Variants in CADM1 observed in about 807,000 individuals in gnomAD.
CADM1 encodes cell adhesion molecule 1, also known as TSLC-1.
Under a neutral mutation model 53.1 loss-of-function variants are expected in CADM1, and 15 were observed. The observed-to-expected ratio is 0.28, with a 90% CI of 0.19 to 0.44. The LOEUF (loss-of-function observed/expected upper bound fraction) is 0.44. CADM1 is among the 20% of genes least tolerant of loss of function. The pLI is 1.00. For synonymous variants in CADM1, 281 were observed against 243.0 expected (o/e 1.16, Z -1.45); for missense variants, 434 against 611.3 (o/e 0.71, Z 3.06).
chr11:115,237,977 T>C (rs2134896635), intron 3 of CADM1, among the ~76,000 whole-genome samples: 1 of 152,326 alleles, frequency 6.6e-6, no homozygotes, highest in African/African-American at 2.4e-5. Flanking sequence ...GCAAAGTATA[T>C]GTTCATGGAG....
chr11:115,435,970 AC>A (rs936859868), intron 1 of CADM1, among the ~76,000 whole-genome samples: 1 of 152,112 alleles, frequency 6.6e-6, no homozygotes, highest in African/African-American at 2.4e-5. Flanking sequence ...CATCTAAGAA[AC>A]CTACAAAATC....
At chr11:115,421,129 A>G (rs76095438) in intron 1 of CADM1, among the ~76,000 whole-genome samples, 316 of 152,282 alleles carry the variant, frequency 2.1e-3, no homozygotes, top group African/African-American at 7.1e-3. Flanking sequence ...ACATTATTCA[A>G]TTTGGTGGCA....
intron 2 of CADM1, 21 bp downstream of exon 2, chr11:115,240,253 A>G (rs1350098663): frequency 6.2e-7 from 1 of 1,612,290 alleles, no homozygotes; most frequent in Non-Finnish European, 8.5e-7. Context: ...GCCATCTACA[A>G]CTATAGAGAT....
chr11:115,184,491 T>C (rs1161514732), intron 10 of CADM1, among the ~76,000 whole-genome samples: 1 of 152,354 alleles, frequency 6.6e-6, no homozygotes, highest in Middle Eastern at 3.4e-3. Context: ...CAGAGAGTAG[T>C]AAATGTATAC....
At chr11:115,434,722 C>A (rs1948139607) in intron 1 of CADM1, among the ~76,000 whole-genome samples, 1 of 152,130 alleles carries the variant, frequency 6.6e-6, no homozygotes, top group South Asian at 2.1e-4. Flanking sequence ...CCCCTTGCCA[C>A]TCTTCAGGCC....
chr11:115,364,931 A>C (rs955914743), intron 1 of CADM1, among the ~76,000 whole-genome samples: 20 of 152,248 alleles, frequency 1.3e-4, no homozygotes, highest in African/African-American at 4.6e-4. Flanking sequence ...GATAAAGAGA[A>C]AACAATATTA....
At chr11:115,491,154 G>A (rs1171160068) in intron 1 of CADM1, among the ~76,000 whole-genome samples, 1 of 151,906 alleles carries the variant, frequency 6.6e-6, no homozygotes, top group East Asian at 1.9e-4. Flanking sequence ...TAAGGAGAAG[G>A]GTTAAAAAAA....
chr11:115,433,114 A>G (rs987068628), intron 1 of CADM1, among the ~76,000 whole-genome samples: 3 of 152,144 alleles, frequency 2.0e-5, no homozygotes, highest in Non-Finnish European at 4.4e-5. Flanking sequence ...TGGTGGGGGA[A>G]GACACAGACC....
chr11:115,419,618 T>C (rs563560636), intron 1 of CADM1, among the ~76,000 whole-genome samples: 8 of 152,202 alleles, frequency 5.3e-5, no homozygotes, highest in Non-Finnish European at 1.0e-4. Flanking sequence ...CCCCATCTTG[T>C]CTTTTAAAGT....
intron 1 of CADM1, among the ~76,000 whole-genome samples, chr11:115,393,982 G>GA (rs1212652565): frequency 6.6e-6 from 1 of 152,078 alleles, no homozygotes; most frequent in East Asian, 1.9e-4. Flanking sequence ...ATGGTCAGAA[G>GA]AAAAAACTAC....
chr11:115,366,768 AAT>A (rs1265928223), intron 1 of CADM1, among the ~76,000 whole-genome samples: 1 of 152,182 alleles, frequency 6.6e-6, no homozygotes, highest in African/African-American at 2.4e-5. Flanking sequence ...GGAAACTGGA[AAT>A]ATATGACTTG....
Position 115,497,765 on chromosome 11 carries a change from G to A in CADM1, c.124+6506C>T, listed in dbSNP as rs187219156. ...CGATTTTGCTGGTGCTCCCCAAATC[G>A]TGAATGTAGGCATTCCTTTGTGCTT... On this transcript the variant is annotated intron_variant, in intron 1 of 11. Coordinates refer to ENST00000331581, the MANE Select transcript of CADM1 (RefSeq NM_001301043.2). Among the ~76,000 whole-genome samples the A allele has an allele frequency of 4.3e-4, 65 of 152,124 alleles. No homozygotes were observed. In the East Asian group the frequency reaches 0.012, roughly 27 times the overall value.
chr11:115,242,322 A>G (rs937265615), intron 1 of CADM1, among the ~76,000 whole-genome samples: 1 of 150,570 alleles, frequency 6.6e-6, no homozygotes, highest in Admixed American at 6.6e-5. Context: ...AACAACAAAG[A>G]GAAAAGGTGA....
At chr11:115,473,370 G>A (rs559611497) in intron 1 of CADM1, among the ~76,000 whole-genome samples, 1 of 152,182 alleles carries the variant, frequency 6.6e-6, no homozygotes, top group Admixed American at 6.5e-5. Context: ...AAGGCGGGAG[G>A]TTCACTTGGG....
intron 1 of CADM1, among the ~76,000 whole-genome samples, chr11:115,289,658 C>T (rs1429157729): frequency 7.6e-5 from 11 of 145,250 alleles, no homozygotes; most frequent in Non-Finnish European, 1.2e-4. Context: ...TGCAGTGGCG[C>T]GATCTCCGCT....
At chr11:115,334,799 G>A (rs1383437595) in intron 1 of CADM1, among the ~76,000 whole-genome samples, 1 of 151,932 alleles carries the variant, frequency 6.6e-6, no homozygotes, top group Non-Finnish European at 1.5e-5. Flanking sequence ...ACATACAAAG[G>A]GGCTCAGTGT....
At chr11:115,394,107 A>G (rs1258719666) in intron 1 of CADM1, among the ~76,000 whole-genome samples, 1 of 152,230 alleles carries the variant, frequency 6.6e-6, no homozygotes, top group Non-Finnish European at 1.5e-5. Context: ...TTACAGATCT[A>G]GATCTACAGA....
intron 1 of CADM1, among the ~76,000 whole-genome samples, chr11:115,266,798 G>T (rs538582876): frequency 6.6e-6 from 1 of 152,244 alleles, no homozygotes; most frequent in Admixed American, 6.5e-5. Flanking sequence ...ATAAAAAAGG[G>T]ATTTTCCCCC....
chr11:115,173,700 T>TC lies in CADM1; in HGVS notation c.*2773_*2774insG. On this transcript the variant is annotated 3_prime_UTR_variant, in exon 12 of 12. Coordinates refer to ENST00000331581, the MANE Select transcript of CADM1 (RefSeq NM_001301043.2). ...TACTTCTTTTTTTTCTTTTTTTTTT[T>TC]GTAAAAATGGTATACATGAACCAAT... 1.5e-6 allele frequency: 1 copy of TC among 648,928 alleles called. No homozygotes were observed. The highest frequency in any genetic ancestry group is 1.9e-6 in the Non-Finnish European group (1 of 522,504). 40.2% of individuals were successfully genotyped at this position (648,928 alleles called of 1,614,324 possible).
Sources: gnomAD v4.1 joint callset for allele counts (sites outside exome capture counted in the v4.1 genomes callset) on GRCh38, gnomAD v4.1.1 for gene constraint, MANE v1.5 for transcripts, NCBI Gene and HGNC (gene_info 2026-07-23, HGNC 2026-07-21) for gene names.